EEFSEC: variants seen among roughly 807,000 people sequenced by gnomAD.
EEFSEC encodes the protein selenocysteine-specific elongation factor.
A neutral mutation model predicts 42.1 loss-of-function variants in EEFSEC; 43 were observed. The observed-to-expected ratio is 1.02, with a 90% confidence interval of 0.80 to 1.32. The LOEUF (loss-of-function observed/expected upper bound fraction) is 1.32, where lower values mean the gene tolerates loss of function less well. EEFSEC is among the 40% of genes most tolerant of loss of function. The pLI is 0.00. For missense variants in EEFSEC, 745 were observed against 803.6 expected, an observed-to-expected ratio of 0.93 and a Z score of 0.88; for synonymous variants, 354 against 339.1, an observed-to-expected ratio of 1.04 and a Z score of -0.48.
At chr3:128,413,045 C>A (rs2068184977), downstream of EEFSEC, among the ~76,000 whole-genome samples, 2 of 152,092 alleles carry the variant, frequency 1.3e-5, no homozygotes, top group Admixed American at 1.3e-4. Context: ...CCTGAAGGAG[C>A]CAATGGCAGG....
intron 4 of EEFSEC, among the ~76,000 whole-genome samples, chr3:128,293,660 C>CAAAAAAAAA (rs759485696): frequency 1.1e-3 from 16 of 14,134 alleles, no homozygotes; most frequent in Admixed American, 4.8e-3. Flanking sequence ...GACTCTATCT[C>CAAAAAAAAA]AAAAAAAAAA....
chr3:128,238,199 G>A (rs1030508943), intron 1 of EEFSEC, among the ~76,000 whole-genome samples: 3 of 152,200 alleles, frequency 2.0e-5, no homozygotes, highest in Non-Finnish European at 4.4e-5. Flanking sequence ...ACAAATGCTG[G>A]GGTGTGAGGC....
intron 4 of EEFSEC, among the ~76,000 whole-genome samples, chr3:128,314,056 G>A (rs2066918484): frequency 6.6e-6 from 1 of 152,208 alleles, no homozygotes; most frequent in Non-Finnish European, 1.5e-5. Context: ...ACATGTGGAT[G>A]TCTGTTTAGC....
At chr3:128,336,672 A>C (rs1366020691) in intron 4 of EEFSEC, among the ~76,000 whole-genome samples, 1 of 152,116 alleles carries the variant, frequency 6.6e-6, no homozygotes, top group Non-Finnish European at 1.5e-5. Flanking sequence ...CTTGGCTCCA[A>C]TGCCACCTCC....
chr3:128,213,971 A>G (rs2065784813), intron 1 of EEFSEC, among the ~76,000 whole-genome samples: 1 of 152,216 alleles, frequency 6.6e-6, no homozygotes, highest in South Asian at 2.1e-4. Flanking sequence ...GAAACTAAAG[A>G]CAACAAATCT....
chr3:128,371,394 G>A (rs761060951), intron 6 of EEFSEC, among the ~76,000 whole-genome samples: 1 of 152,204 alleles, frequency 6.6e-6, no homozygotes, highest in African/African-American at 2.4e-5. Context: ...CAGGGTGTTT[G>A]TGGGTATCCC....
intron 6 of EEFSEC, among the ~76,000 whole-genome samples, chr3:128,366,572 A>C (rs943696877): frequency 2.0e-5 from 3 of 152,228 alleles, no homozygotes; most frequent in Admixed American, 6.5e-5. Flanking sequence ...CTGATTTTCA[A>C]GGTCAGAGAC....
At chr3:128,420,872 C>T in the EEFSEC span, among the ~76,000 whole-genome samples, 1 of 152,122 alleles carries the variant, frequency 6.6e-6, no homozygotes, top group Non-Finnish European at 1.5e-5. Flanking sequence ...TCTGGGGGTA[C>T]CTCAGGCTTG....
the EEFSEC span, among the ~76,000 whole-genome samples, chr3:128,417,358 C>G: frequency 6.6e-6 from 1 of 152,142 alleles, no homozygotes; most frequent in African/African-American, 2.4e-5. This position sits in a 1 kb window ranked among gnomAD's most constrained non-coding sequence, Gnocchi z 4.3. Context: ...AGCCCCTGCT[C>G]CTGGATGTCC....
intron 5 of EEFSEC, among the ~76,000 whole-genome samples, chr3:128,353,738 T>C (rs929833029): frequency 6.6e-6 from 1 of 152,222 alleles, no homozygotes; most frequent in Non-Finnish European, 1.5e-5. Context: ...CACCAGCCTC[T>C]GGATCCAGAC....
At chr3:128,392,149 CT>C (rs760394014) in intron 6 of EEFSEC, among the ~76,000 whole-genome samples, 17 of 152,344 alleles carry the variant, frequency 1.1e-4, no homozygotes, top group Non-Finnish European at 2.4e-4. Context: ...ATGCCCAGTG[CT>C]AGCCTCTGTT....
At chr3:128,202,017 A>G (rs2065648694) in intron 1 of EEFSEC, among the ~76,000 whole-genome samples, 1 of 151,444 alleles carries the variant, frequency 6.6e-6, no homozygotes, top group South Asian at 2.1e-4. Flanking sequence ...GTGTAGGTCT[A>G]TTTCTGGACT....
At chr3:128,406,474 A>G (rs893780171) in intron 6 of EEFSEC, among the ~76,000 whole-genome samples, 5 of 152,234 alleles carry the variant, frequency 3.3e-5, no homozygotes, top group Admixed American at 1.3e-4. Context: ...ATTAATAACA[A>G]TGTGTAATAT....
chr3:128,359,272 G>A (rs2067496422), intron 6 of EEFSEC, among the ~76,000 whole-genome samples: 2 of 152,310 alleles, frequency 1.3e-5, no homozygotes, highest in South Asian at 4.2e-4. Context: ...TCAGTTGTTT[G>A]GCAAAAGTGT....
intron 4 of EEFSEC, among the ~76,000 whole-genome samples, chr3:128,306,050 A>G (rs1364917709): frequency 6.6e-6 from 1 of 152,016 alleles, no homozygotes; most frequent in Non-Finnish European, 1.5e-5. Context: ...CTCATTTCCA[A>G]GTTGTTTGGT....
intron 1 of EEFSEC, among the ~76,000 whole-genome samples, chr3:128,231,617 C>T (rs1216178668): frequency 6.6e-6 from 1 of 152,108 alleles, no homozygotes; most frequent in Non-Finnish European, 1.5e-5. Context: ...GCTGGCCCTC[C>T]CCAGGGATTG....
At chr3:128,291,039 C>G (rs778835221) in intron 4 of EEFSEC, among the ~76,000 whole-genome samples, 1 of 152,082 alleles carries the variant, frequency 6.6e-6, no homozygotes, top group Non-Finnish European at 1.5e-5. Flanking sequence ...CATGAACCAC[C>G]GTGCCCGGCC....
rs147310261 is a variant in EEFSEC, at chr3:128,227,891, A to G, written c.317-18945A>G. 1.1e-3 allele frequency among the ~76,000 whole-genome samples: 174 copies of G among 152,166 alleles called. 1 individual carries two copies. The highest frequency in any genetic ancestry group is 5.0e-3 in the East Asian group (26 of 5,164). On this transcript the variant is annotated intron_variant, in intron 1 of 6. Coordinates refer to ENST00000254730, the MANE Select transcript of EEFSEC (RefSeq NM_021937.5). ...CTTGCAGCCCCTGAGTCCTCTCTCT[A>G]TTGGCCCTGGGCCACTGGATCTTCA...
At chr3:128,207,625 C>A (rs544093941) in intron 1 of EEFSEC, among the ~76,000 whole-genome samples, 6 of 150,510 alleles carry the variant, frequency 4.0e-5, no homozygotes, top group African/African-American at 1.5e-4. Context: ...ATAAGGATAA[C>A]GTAAACTAGA....
Sources: allele counts gnomAD v4.1 joint callset (sites outside exome capture counted in the v4.1 genomes callset), GRCh38; gene constraint gnomAD v4.1.1; non-coding constraint Gnocchi (gnomAD v3.1); transcripts MANE v1.5; gene names NCBI Gene and HGNC (gene_info 2026-07-23, HGNC 2026-07-21).